JAZF1: variants seen among roughly 807,000 people sequenced by gnomAD.
JAZF1 encodes the protein juxtaposed with another zinc finger protein 1.
In JAZF1, 8 loss-of-function variants were observed where a neutral mutation model predicts 26.4. The ratio of observed to expected loss-of-function variants is 0.30; its 90% CI spans 0.18 to 0.55. The LOEUF is 0.55. Ranked by LOEUF, JAZF1 falls within the 20% of genes least tolerant of loss-of-function variation. The pLI is 0.94. For missense variants in JAZF1, 199 were observed against 322.0 expected (o/e 0.62, Z 2.92); for synonymous variants, 126 against 122.3 (o/e 1.03, Z -0.20).
intron 2 of JAZF1, among the ~76,000 whole-genome samples, chr7:27,973,015 T>C (rs937424092): frequency 2.6e-5 from 4 of 151,920 alleles, no homozygotes; most frequent in Admixed American, 2.6e-4. Flanking sequence ...CTCAATTTTA[T>C]TTAAAAAATG....
At chr7:28,098,142 A>T (rs1352022255) in intron 1 of JAZF1, among the ~76,000 whole-genome samples, 1 of 152,178 alleles carries the variant, frequency 6.6e-6, no homozygotes, top group Non-Finnish European at 1.5e-5. Flanking sequence ...TGATCAGGTC[A>T]TGAGGGTCTC....
At chr7:28,059,155 TTAA>T (rs1383454339) in intron 1 of JAZF1, among the ~76,000 whole-genome samples, 1 of 152,150 alleles carries the variant, frequency 6.6e-6, no homozygotes, top group Non-Finnish European at 1.5e-5. Flanking sequence ...TTCTTTGTAA[TTAA>T]TAATATTTTT....
chr7:27,992,251 T>C, intron 1 of JAZF1: 1 of 534,464 alleles, frequency 1.9e-6, no homozygotes, highest in South Asian at 1.6e-5. Flanking sequence ...CTTATAAATA[T>C]TGGTTTTCAC....
chr7:28,083,893 C>T (rs1213600118), intron 1 of JAZF1, among the ~76,000 whole-genome samples: 1 of 151,862 alleles, frequency 6.6e-6, no homozygotes, highest in African/African-American at 2.4e-5. Context: ...GCTGGAACAT[C>T]CAACAATTTC....
chr7:27,869,622 C>A (rs1783545230), intron 3 of JAZF1, among the ~76,000 whole-genome samples: 1 of 152,118 alleles, frequency 6.6e-6, no homozygotes, highest in Non-Finnish European at 1.5e-5. Context: ...TTGCTTCTGG[C>A]CTGTTTTCCA....
intron 1 of JAZF1, among the ~76,000 whole-genome samples, chr7:28,077,836 T>C (rs573855047): frequency 2.6e-5 from 4 of 152,332 alleles, no homozygotes; most frequent in Admixed American, 1.3e-4. Flanking sequence ...CATGGGGAAT[T>C]TCCACGTTCA....
intron 3 of JAZF1, among the ~76,000 whole-genome samples, chr7:27,851,455 C>T (rs762715374): frequency 1.3e-5 from 2 of 152,078 alleles, no homozygotes; most frequent in Non-Finnish European, 2.9e-5. Flanking sequence ...TTGAAACCAG[C>T]CTGGGCAATG....
intron 2 of JAZF1, among the ~76,000 whole-genome samples, chr7:27,978,051 T>C (rs1785505792): frequency 6.6e-6 from 1 of 152,258 alleles, no homozygotes; most frequent in Non-Finnish European, 1.5e-5. Flanking sequence ...GCCATATGAA[T>C]GTTGAATAAA....
At chr7:28,111,830 T>C (rs1476045092) in intron 1 of JAZF1, among the ~76,000 whole-genome samples, 1 of 152,050 alleles carries the variant, frequency 6.6e-6, no homozygotes, top group African/African-American at 2.4e-5. Context: ...GCAGGAGAAG[T>C]AGGGTGGCTC....
intron 1 of JAZF1, among the ~76,000 whole-genome samples, chr7:28,064,342 G>A (rs2391495): frequency 9.2e-5 from 14 of 151,950 alleles, no homozygotes; most frequent in South Asian, 2.1e-4. Flanking sequence ...TGTAAAAATC[G>A]TATATAAGCA....
At chr7:27,884,003 G>T (rs1783817187) in intron 3 of JAZF1, among the ~76,000 whole-genome samples, 1 of 152,206 alleles carries the variant, frequency 6.6e-6, no homozygotes, top group African/African-American at 2.4e-5. Context: ...GTTCCTAAAT[G>T]AATTGTTTAT....
chr7:28,033,682 C>T (rs866084463), intron 1 of JAZF1, among the ~76,000 whole-genome samples: 1 of 152,134 alleles, frequency 6.6e-6, no homozygotes, highest in Non-Finnish European at 1.5e-5. Flanking sequence ...GCACCTCTTT[C>T]TTTCCTGATT....
intron 1 of JAZF1, among the ~76,000 whole-genome samples, chr7:28,110,641 G>A (rs866236814): frequency 6.7e-4 from 86 of 129,170 alleles, no homozygotes; most frequent in African/African-American, 1.4e-3. Context: ...AAAGGAAAAG[G>A]AAAGGAAAGG....
chr7:28,091,681 G>A (rs1404952594), intron 1 of JAZF1, among the ~76,000 whole-genome samples: 3 of 151,074 alleles, frequency 2.0e-5, no homozygotes, highest in African/African-American at 4.9e-5. Context: ...CAGAGAGAGA[G>A]AGAGAGAGAT....
chr7:27,987,424 G>A (rs1267734458), intron 2 of JAZF1, among the ~76,000 whole-genome samples: 8 of 151,598 alleles, frequency 5.3e-5, no homozygotes, highest in Non-Finnish European at 7.4e-5. Context: ...CCCGGCAGCC[G>A]CCCCGTCTGG....
intron 2 of JAZF1, among the ~76,000 whole-genome samples, chr7:27,926,096 T>C (rs1784598001): frequency 6.6e-6 from 1 of 152,192 alleles, no homozygotes; most frequent in South Asian, 2.1e-4. Context: ...AGACAGGACA[T>C]CTTAAGGACA....
rs940549396 is a variant in JAZF1, at chr7:28,126,087, C to T, written c.115+54376G>A. On this transcript the variant is annotated intron_variant, in intron 1 of 4. Transcript: ENST00000283928. ...CCTATGGTTCAAGTGTAGCATATTC[C>T]AGTAAATGGAGGCACCAGGAAGGGG... Among the ~76,000 whole-genome samples, 18 of 152,282 alleles carry T rather than the reference C, an allele frequency of 1.2e-4. No individual in the cohort carries two copies. In the Middle Eastern group the frequency reaches 0.01, roughly 86 times the overall value.
chr7:28,014,099 C>T (rs181378490), intron 1 of JAZF1, among the ~76,000 whole-genome samples: 1 of 117,902 alleles, frequency 8.5e-6, no homozygotes, highest in East Asian at 2.9e-4. Context: ...TTCCAACAGC[C>T]ATCCAAATAG....
chr7:27,952,335 C>T (rs1362386418), intron 2 of JAZF1, among the ~76,000 whole-genome samples: 3 of 152,228 alleles, frequency 2.0e-5, no homozygotes, highest in Non-Finnish European at 4.4e-5. Flanking sequence ...AGTTTATCAG[C>T]CCTAAATGGG....
Sources: allele counts gnomAD v4.1 joint callset (sites outside exome capture counted in the v4.1 genomes callset), GRCh38; gene constraint gnomAD v4.1.1; transcripts MANE v1.5; gene names NCBI Gene and HGNC (gene_info 2026-07-23, HGNC 2026-07-21).